TANGO6: variants seen among roughly 807,000 people sequenced by gnomAD.
The protein encoded by TANGO6 is transport and golgi organization 6 homolog.
In TANGO6, 90 loss-of-function variants were observed where a neutral mutation model predicts 114.2. That is an observed-to-expected ratio of 0.79 (90% CI 0.66 to 0.94). The LOEUF (loss-of-function observed/expected upper bound fraction) is 0.94, where lower values mean the gene tolerates loss of function less well. TANGO6 is among the 40% of genes least tolerant of loss of function. The probability of loss-of-function intolerance (pLI) is 0.00; values close to 1 mark genes in which losing one functional copy is unlikely to be tolerated. For missense variants in TANGO6, 1,274 were observed against 1,315.3 expected (o/e 0.97, Z 0.49); for synonymous variants, 477 against 509.8 (o/e 0.94, Z 0.87).
chr16:68,880,742 C>A, intron 7 of TANGO6, 112 bp downstream of exon 7: 2 of 614,868 alleles, frequency 3.3e-6, no homozygotes, highest in Non-Finnish European at 5.1e-6. Context: ...CCAGTCTGGT[C>A]TTGAACTCCT....
intron 14 of TANGO6, among the ~76,000 whole-genome samples, chr16:68,970,703 G>T (rs1430454479): frequency 6.7e-6 from 1 of 150,088 alleles, no homozygotes; most frequent in Non-Finnish European, 1.5e-5. Flanking sequence ...TTAAACAACA[G>T]TAAGAGGGAC....
chr16:68,936,317 A>C (rs911962975), intron 14 of TANGO6, among the ~76,000 whole-genome samples: 2 of 152,168 alleles, frequency 1.3e-5, no homozygotes, highest in African/African-American at 4.8e-5. Flanking sequence ...ATATTCTTCA[A>C]TAAGACATAG....
chr16:68,896,048 G>T (rs1962699761), intron 7 of TANGO6, among the ~76,000 whole-genome samples: 1 of 151,780 alleles, frequency 6.6e-6, no homozygotes, highest in Admixed American at 6.6e-5. Flanking sequence ...TGTCACCCAG[G>T]CTGGAGTGCA....
intron 17 of TANGO6, among the ~76,000 whole-genome samples, chr16:69,072,756 C>G (rs189340164): frequency 2.0e-5 from 3 of 152,124 alleles, no homozygotes; most frequent in Non-Finnish European, 4.4e-5. Context: ...CTCAGCACCC[C>G]TCAAGTGTGG....
rs577897552 is a variant in TANGO6 at position 68,908,670 on chromosome 16, A to G, written c.1801-541A>G. On this transcript the variant is annotated intron_variant, in intron 10 of 17. Transcript: ENST00000261778. ...TAGCCTACAAAACCCACAGTAATAC[A>G]TGATTTCTTAGAAGTTAGTTCTAAG... Among the ~76,000 whole-genome samples the G allele has an allele frequency of 1.8e-4, 28 of 152,318 alleles. No individual in the cohort carries two copies. In the East Asian group the frequency reaches 5.0e-3, roughly 27 times the overall value.
chr16:68,880,720 T>C, intron 7 of TANGO6, 90 bp downstream of exon 7: 1 of 842,176 alleles, frequency 1.2e-6, no homozygotes, highest in Non-Finnish European at 1.7e-6. Flanking sequence ...TGGTGGGGTC[T>C]CACCACGTTG....
intron 15 of TANGO6, among the ~76,000 whole-genome samples, chr16:68,997,296 C>T (rs1052633099): frequency 2.0e-5 from 3 of 152,186 alleles, no homozygotes; most frequent in African/African-American, 7.2e-5. Context: ...GATGGCTACT[C>T]CATAGGCAGA....
intron 17 of TANGO6, among the ~76,000 whole-genome samples, chr16:69,058,876 C>T (rs764103846): frequency 4.6e-5 from 7 of 150,590 alleles, no homozygotes; most frequent in Non-Finnish European, 4.4e-5. Context: ...CCGTGTTAGC[C>T]AGAATGGTCT....
At chr16:69,061,085 A>C (rs79190584) in intron 17 of TANGO6, among the ~76,000 whole-genome samples, 1 of 152,186 alleles carries the variant, frequency 6.6e-6, no homozygotes, top group Non-Finnish European at 1.5e-5. Context: ...AAGTTGCCTC[A>C]ACAAGTTTTC....
intron 15 of TANGO6, among the ~76,000 whole-genome samples, chr16:68,998,710 GAC>G (rs1374949335): frequency 6.9e-6 from 1 of 143,996 alleles, no homozygotes; most frequent in Non-Finnish European, 1.5e-5. Flanking sequence ...CAGCCTGGGT[GAC>G]AGAGTGAGAC....
In TANGO6 at chr16:68,953,279, C is replaced by A. The variant is rs148054281; in HGVS notation, c.2702-20749C>A. Among the ~76,000 whole-genome samples the A allele has an allele frequency of 6.5e-3, 986 of 152,038 alleles. 19 individuals are homozygous for A. The highest frequency in any genetic ancestry group is 0.039 in the Admixed American group (600 of 15,244). On this transcript the variant is annotated intron_variant, in intron 14 of 17. Transcript: ENST00000261778. ...TTTGTATTTAGCAGAGACAGGGTTT[C>A]GCCATGTTGGCCAGGCTGATCTCGA...
intron 16 of TANGO6, among the ~76,000 whole-genome samples, chr16:69,036,276 G>A (rs764775519): frequency 1.4e-4 from 21 of 152,080 alleles, no homozygotes; most frequent in Non-Finnish European, 5.9e-5. Context: ...TTGGACAAGG[G>A]GTCTGTCCCA....
At chr16:68,847,360 A>G in intron 1 of TANGO6, among the ~76,000 whole-genome samples, 1 of 152,182 alleles carries the variant, frequency 6.6e-6, no homozygotes, top group East Asian at 1.9e-4. Flanking sequence ...CCGGCAAGCC[A>G]GGTCCCCATA....
chr16:69,028,007 T>G (rs538825932), intron 16 of TANGO6, among the ~76,000 whole-genome samples: 1 of 152,226 alleles, frequency 6.6e-6, no homozygotes, highest in South Asian at 2.1e-4. Context: ...TTGCCCAGGC[T>G]GGAGTGCAGT....
At chr16:68,961,368 C>T (rs1963589156) in intron 14 of TANGO6, among the ~76,000 whole-genome samples, 1 of 152,240 alleles carries the variant, frequency 6.6e-6, no homozygotes, top group Non-Finnish European at 1.5e-5. Context: ...CATGGCAGCT[C>T]TGTCATCTTG....
intron 16 of TANGO6, among the ~76,000 whole-genome samples, chr16:69,036,509 A>G (rs1959689072): frequency 6.6e-6 from 1 of 152,002 alleles, no homozygotes; most frequent in Non-Finnish European, 1.5e-5. Context: ...CCTCTTCCTG[A>G]TTGTCCTGGA....
chr16:69,044,943 TGA>T (rs1456426715), intron 17 of TANGO6, among the ~76,000 whole-genome samples: 3 of 151,678 alleles, frequency 2.0e-5, no homozygotes, highest in Non-Finnish European at 2.9e-5. Context: ...GCAAATCACC[TGA>T]GGTCAGGAGT....
chr16:68,990,354 G>T (rs868728932), intron 15 of TANGO6, among the ~76,000 whole-genome samples: 3 of 152,210 alleles, frequency 2.0e-5, no homozygotes, highest in African/African-American at 7.2e-5. Flanking sequence ...TTGCCACATG[G>T]TGGCAGGTAA....
chr16:69,041,978 A>G (rs1172248583), intron 17 of TANGO6, among the ~76,000 whole-genome samples: 2 of 152,200 alleles, frequency 1.3e-5, no homozygotes, highest in African/African-American at 4.8e-5. Flanking sequence ...AAGAAAGAAG[A>G]TAAGAGAAGG....
Sources: gnomAD v4.1 joint callset for allele counts (sites outside exome capture counted in the v4.1 genomes callset) on GRCh38, gnomAD v4.1.1 for gene constraint, MANE v1.5 for transcripts, NCBI Gene and HGNC (gene_info 2026-07-23, HGNC 2026-07-21) for gene names.